Variants in ZFHX4 observed in about 807,000 individuals in gnomAD.
The protein encoded by ZFHX4 is zinc finger homeobox 4, also known as zinc finger homeobox protein 4.
Under a neutral mutation model 267.6 loss-of-function variants are expected in ZFHX4, and 56 were observed. That is an observed-to-expected ratio of 0.21 (90% CI 0.17 to 0.26). The LOEUF is 0.26. Among genes scored for constraint, ZFHX4 ranks in the 10% least tolerant of loss-of-function variants. The pLI is 1.00. For synonymous variants in ZFHX4, 1,778 were observed against 1,665.6 expected, an observed-to-expected ratio of 1.07 and a Z score of -1.64; for missense variants, 4,332 against 4,420.0, an observed-to-expected ratio of 0.98 and a Z score of 0.56.
At position 76,751,792 on chromosome 8, in the gene ZFHX4, G is replaced by T. The variant is rs140899467; in HGVS notation, c.3094-26416G>T. 1.1e-3 allele frequency among the ~76,000 whole-genome samples: 171 copies of T among 152,214 alleles called. 2 individuals are homozygous for T. The highest frequency in any genetic ancestry group is 0.01 in the East Asian group (52 of 5,168). On this transcript the variant is annotated intron_variant, in intron 3 of 10. Transcript: ENST00000651372. ...GAAAAGAAAGTACACAATTTGCTTT[G>T]CATCTCTGGGAAACTCTTCTAGCTA...
chr8:76,704,191 G>T lies in ZFHX4; in HGVS notation c.103G>T (p.Val35Phe). 6.2e-7 allele frequency: 1 copy of T among 1,614,042 alleles called. No homozygotes were observed. The highest frequency in any genetic ancestry group is 2.2e-5 in the East Asian group (1 of 44,882). Residue 35 changes from valine (V) to phenylalanine (F), a missense_variant, in exon 2 of 11, where the codon GTT becomes TTT. By Grantham distance (50) the Val-to-Phe change is conservative. Transcript: ENST00000651372. The part of the protein sequence containing the change: ...TQLDNEVPEK[V>F]AGMEPDRENS... Reference sequence around the variant, plus strand: ...ACTTGATAATGAGGTGCCAGAGAAAGTTGCAGGGATGGAGCCTGACAGGGA... The same window carrying T: ...ACTTGATAATGAGGTGCCAGAGAAATTTGCAGGGATGGAGCCTGACAGGGA...
intron 4 of ZFHX4, among the ~76,000 whole-genome samples, chr8:76,787,762 G>A (rs1810731863): frequency 6.6e-6 from 1 of 151,796 alleles, no homozygotes; most frequent in African/African-American, 2.4e-5. Context: ...GCGGTGAGCC[G>A]AGATCATGCC....
At chr8:76,781,446 A>C (rs1810543558) in intron 4 of ZFHX4, among the ~76,000 whole-genome samples, 1 of 152,074 alleles carries the variant, frequency 6.6e-6, no homozygotes, top group African/African-American at 2.4e-5. Context: ...GGGTCTTCAA[A>C]ACGACAAAAC....
At chr8:76,835,538 C>A (rs1422200749) in intron 5 of ZFHX4, among the ~76,000 whole-genome samples, 1 of 151,734 alleles carries the variant, frequency 6.6e-6, no homozygotes, top group East Asian at 1.9e-4. Context: ...ACATCCCTTC[C>A]ATATAAAGTC....
chr8:76,700,861 A>C (rs1433865309), intron 1 of ZFHX4, among the ~76,000 whole-genome samples: 4 of 152,182 alleles, frequency 2.6e-5, no homozygotes, highest in Non-Finnish European at 5.9e-5. Context: ...AGGGAACAGA[A>C]GTTGGTGAAC....
At chr8:76,737,164 A>G (rs1283406690) in intron 3 of ZFHX4, among the ~76,000 whole-genome samples, 1 of 152,164 alleles carries the variant, frequency 6.6e-6, no homozygotes, top group Non-Finnish European at 1.5e-5. Context: ...TCTAGGTAAT[A>G]AACCTGTATC....
intron 5 of ZFHX4, among the ~76,000 whole-genome samples, chr8:76,835,093 G>C (rs1400602967): frequency 2.0e-5 from 3 of 149,900 alleles, no homozygotes; most frequent in Non-Finnish European, 4.4e-5. Context: ...TAATAAGCTG[G>C]ATATTATTTT....
chr8:76,814,958 T>G (rs577465045), intron 4 of ZFHX4, among the ~76,000 whole-genome samples: 1 of 152,118 alleles, frequency 6.6e-6, no homozygotes, highest in African/African-American at 2.4e-5. Flanking sequence ...TAGAATAGCC[T>G]GTAATGGAGA....
intron 4 of ZFHX4, among the ~76,000 whole-genome samples, chr8:76,802,203 G>T (rs1236872603): frequency 6.6e-6 from 1 of 152,056 alleles, no homozygotes; most frequent in African/African-American, 2.4e-5. Context: ...TTCAGGCAAG[G>T]CAGCCTTCAA....
chr8:76,855,085 G>C lies in ZFHX4; in HGVS notation c.8164G>C (p.Glu2722Gln). 4 of 1,613,850 alleles carry C rather than the reference G, an allele frequency of 2.5e-6. No individual in the cohort carries two copies. The highest frequency in any genetic ancestry group is 3.4e-6 in the Non-Finnish European group (4 of 1,179,830). The change falls in exon 10 of 11, where the codon GAA becomes CAA. Residue 2722 changes from glutamate to glutamine, a missense_variant. Glu to Gln is a conservative substitution (Grantham distance 29). Transcript: ENST00000651372. ...SPLISTEDGG[E>Q]SPQKYIYFDY... ...TTTAATATCCACCGAAGATGGGGGA[G>C]AAAGCCCACAGAAATACATCTATTT...
chr8:76,708,054 C>T lies in ZFHX4; in HGVS notation c.3093+6C>T. On this transcript the variant is annotated splice_donor_region_variant and intron_variant, in intron 3 of 10. Transcript: ENST00000651372. ...CGGCCCTGAAGCTCTACAAGGTAAG[C>T]AGTGACATCCATTTCCGTTGGCACA... is the stretch of plus-strand genomic sequence containing the variant. 1 of 1,612,356 alleles carries T rather than the reference C, an allele frequency of 6.2e-7. No homozygotes were observed.
chr8:76,803,121 C>T (rs1038551195), intron 4 of ZFHX4, among the ~76,000 whole-genome samples: 1 of 152,042 alleles, frequency 6.6e-6, no homozygotes. Context: ...AAGCAATATC[C>T]ATTTAACAGG....
At chr8:76,782,195 C>A (rs1457672277) in intron 4 of ZFHX4, 2 of 442,208 alleles carry the variant, frequency 4.5e-6, no homozygotes, top group Non-Finnish European at 9.1e-6. Context: ...GTACAGAGCC[C>A]AACAGGCTCA....
At chr8:76,777,340 CAG>C (rs774242705) in intron 3 of ZFHX4, among the ~76,000 whole-genome samples, 2 of 152,070 alleles carry the variant, frequency 1.3e-5, no homozygotes, top group Non-Finnish European at 2.9e-5. Context: ...GGGCAGAAAT[CAG>C]AGTCAGCAGA....
chr8:76,743,325 T>A (rs1809371513), intron 3 of ZFHX4, among the ~76,000 whole-genome samples: 1 of 152,204 alleles, frequency 6.6e-6, no homozygotes, highest in Non-Finnish European at 1.5e-5. Context: ...AATATTGTCT[T>A]ATAGACTGCA....
At chr8:76,730,817 A>G (rs1808989473) in intron 3 of ZFHX4, among the ~76,000 whole-genome samples, 1 of 152,154 alleles carries the variant, frequency 6.6e-6, no homozygotes, top group South Asian at 2.1e-4. Flanking sequence ...AGAACTAATA[A>G]GACATCTATA....
intron 5 of ZFHX4, among the ~76,000 whole-genome samples, chr8:76,840,398 C>T (rs1264679342): frequency 6.6e-6 from 1 of 152,152 alleles, no homozygotes; most frequent in African/African-American, 2.4e-5. Context: ...AAACTGTTGC[C>T]AGGGTCAGGC....
At chr8:76,837,730 A>T (rs1284114633) in intron 5 of ZFHX4, among the ~76,000 whole-genome samples, 1 of 152,190 alleles carries the variant, frequency 6.6e-6, no homozygotes, top group Admixed American at 6.5e-5. Context: ...CTATTTTCAA[A>T]AAATGTTTAC....
At chr8:76,828,375 G>C (rs1409163974) in intron 4 of ZFHX4, among the ~76,000 whole-genome samples, 1 of 152,036 alleles carries the variant, frequency 6.6e-6, no homozygotes, top group Non-Finnish European at 1.5e-5. Flanking sequence ...ACAGAGCTTT[G>C]GAGTCAGACA....
Sources: allele counts gnomAD v4.1 joint callset (sites outside exome capture counted in the v4.1 genomes callset), GRCh38; gene constraint gnomAD v4.1.1; transcripts MANE v1.5; gene names NCBI Gene and HGNC (gene_info 2026-07-23, HGNC 2026-07-21).